The following CDKN1A variants were observed in gnomAD, a reference collection of about 807,000 sequenced individuals.
CDKN1A encodes the protein cyclin-dependent kinase inhibitor 1.
In CDKN1A, 14 loss-of-function variants were observed where a neutral mutation model predicts 14.8. That is an observed-to-expected ratio of 0.94 (90% CI 0.62 to 1.48). The LOEUF is 1.48. CDKN1A is among the 40% of genes most tolerant of loss of function. The pLI, the probability that CDKN1A is intolerant of heterozygous loss-of-function variation, is 0.00. For missense variants in CDKN1A, 203 were observed against 231.7 expected (o/e 0.88, Z 0.80); for synonymous variants, 92 against 93.5 (o/e 0.98, Z 0.09).
In CDKN1A at chr6:36,681,392, T is replaced by C. The variant is rs754555540; in HGVS notation, c.-6+2594T>C. Among the ~76,000 whole-genome samples the C allele has an allele frequency of 9.6e-4, 102 of 106,780 alleles. 1 individual carries two copies. The highest frequency in any genetic ancestry group is 2.6e-3 in the South Asian group (8 of 3,110). 70.1% of individuals were successfully genotyped at this position (106,780 alleles called of 152,430 possible). On this transcript the variant is annotated intron_variant, in intron 1 of 2. Transcript: ENST00000244741. Reference sequence around the variant, plus strand: ...TTCTTTCTTTCTTTCTTTCTTTCTTTCTTTCTTTCTTTCTTCCTTTCTCTT... The same window carrying C: ...TTCTTTCTTTCTTTCTTTCTTTCTTCCTTTCTTTCTTTCTTCCTTTCTCTT...
chr6:36,681,449 C>T (rs1451976352), intron 1 of CDKN1A, among the ~76,000 whole-genome samples: 2 of 140,056 alleles, frequency 1.4e-5, no homozygotes, highest in East Asian at 4.2e-4. Context: ...CTCTTTCTTT[C>T]TTTTCTTTCG....
At chr6:36,681,902 A>G (rs985081279) in intron 1 of CDKN1A, among the ~76,000 whole-genome samples, 1 of 151,938 alleles carries the variant, frequency 6.6e-6, no homozygotes, top group Non-Finnish European at 1.5e-5. Flanking sequence ...CCACCCAGCT[A>G]ATTTTTATTT....
chr6:36,682,033 C>T (rs373118407), intron 1 of CDKN1A, among the ~76,000 whole-genome samples: 1 of 152,212 alleles, frequency 6.6e-6, no homozygotes, highest in East Asian at 1.9e-4. Flanking sequence ...GCATAAGCCA[C>T]TGCCCCTGGC....
rs1562037863 is a variant in CDKN1A, at chr6:36,681,265, T to TTTCTTTCC, written c.-6+2474_-6+2475insCTTCTTTC. Among the ~76,000 whole-genome samples the TTTCTTTCC allele has an allele frequency of 6.0e-3, 384 of 64,156 alleles. 7 individuals are homozygous for TTTCTTTCC. Among genetic ancestry groups the TTTCTTTCC allele is most frequent in the South Asian group, 8.8e-3 (15 of 1,714 alleles). The allele number at this position is 64,156 out of a possible 152,430, so 42.1% of individuals were successfully genotyped here. On this transcript the variant is annotated intron_variant, in intron 1 of 2. Coordinates refer to ENST00000244741, the MANE Select transcript of CDKN1A (RefSeq NM_000389.5). ...ATTTTGAAAAAACTCCCTAGGTGCTTTTCTTTCTTTCTTTTTTTCTTTCTT... is the reference window on the plus strand; with the variant it reads ...ATTTTGAAAAAACTCCCTAGGTGCTTTTCTTTCCTTCTTTCTTTCTTTTTTTCTTTCTT...
rs114149607 is a variant in CDKN1A at position 36,684,340 on chromosome 6, C to T, written c.239C>T (p.Thr80Met). 4.1e-4 allele frequency: 669 copies of T among 1,613,490 alleles called. 1 individual carries two copies. Among genetic ancestry groups the T allele is most frequent in the African/African-American group, 2.6e-3 (193 of 75,026 alleles). The change falls in exon 2 of 3, where the codon ACG (threonine) becomes ATG (methionine). Residue 80 changes from threonine (T) to methionine (M), a missense_variant. Thr to Met is a moderately conservative substitution (Grantham distance 81, BLOSUM62 -1). Coordinates refer to ENST00000244741, the MANE Select transcript of CDKN1A (RefSeq NM_000389.5). The surrounding 1 kb of genome is among the most constrained non-coding windows in gnomAD (Gnocchi z 6.0). ...GGCCTGCCCAAGCTCTACCTTCCCA[C>T]GGGGCCCCGGCGAGGCCGGGATGAG... ...GLGLPKLYLP[T>M]GPRRGRDELG...
rs1308733953 is a variant in CDKN1A, at chr6:36,681,280, T to TTTCTTTCTTTCTTTCTTTCTTTCTTTC, written c.-6+2484_-6+2485insCTTTCTTTCTTTCTTTCTTTCTTTCTT. On this transcript the variant is annotated intron_variant, in intron 1 of 2. Transcript: ENST00000244741. ...CCTAGGTGCTTTTCTTTCTTTCTTT[T>TTTCTTTCTTTCTTTCTTTCTTTCTTTC]TTTCTTTCTTTCTTTCTTTCTTTCT... Among the ~76,000 whole-genome samples the TTTCTTTCTTTCTTTCTTTCTTTCTTTC allele has an allele frequency of 2.7e-4, 31 of 112,884 alleles. 1 individual carries two copies. Among genetic ancestry groups the TTTCTTTCTTTCTTTCTTTCTTTCTTTC allele is most frequent in the South Asian group, 9.0e-4 (3 of 3,348 alleles). The allele number at this position is 112,884 out of a possible 152,430, so 74.1% of individuals were successfully genotyped here.
chr6:36,684,652 G>A lies in CDKN1A; in HGVS notation c.445+106G>A. The stretch of plus-strand genomic sequence containing the variant: ...CTGGTCCAGCATGCTCCAGGTAGAA[G>A]GAAACAGGCCCAGAGAGGGGAAGCA... On this transcript the variant is annotated intron_variant, in intron 2 of 2. Transcript: ENST00000244741. The surrounding 1 kb of genome is among the most constrained non-coding windows in gnomAD (Gnocchi z 6.0). The A allele has an allele frequency of 8.6e-7, 1 of 1,169,042 alleles. No homozygotes were observed. The highest frequency in any genetic ancestry group is 1.5e-5 in the African/African-American group (1 of 66,110). The allele number at this position is 1,169,042 out of a possible 1,614,324, so 72.4% of individuals were successfully genotyped here. A position where few individuals can be genotyped will look rare whatever the true frequency, so the allele number is the denominator to read the frequency against.
chr6:36,685,711 C>G (rs1345556059), intron 2 of CDKN1A, 40 bp from the exon 3 acceptor site: 3 of 1,610,726 alleles, frequency 1.9e-6, no homozygotes, highest in African/African-American at 2.7e-5. Flanking sequence ...GCCGCGTCCT[C>G]TTCTTCTTGG....
chr6:36,681,823 T>A (rs1762027239), intron 1 of CDKN1A, among the ~76,000 whole-genome samples: 2 of 152,098 alleles, frequency 1.3e-5, no homozygotes, highest in Non-Finnish European at 2.9e-5. Flanking sequence ...CTCAATCTCC[T>A]GACCTCGTGC....
intron 1 of CDKN1A, among the ~76,000 whole-genome samples, chr6:36,680,305 G>T (rs1234912207): frequency 7.1e-5 from 5 of 70,454 alleles, no homozygotes; most frequent in African/African-American, 1.1e-4. Flanking sequence ...TGTCTGCGCG[G>T]GCGTGTGTGT....
chr6:36,684,671 G>A lies in CDKN1A; in HGVS notation c.445+125G>A. Reference sequence around the variant, plus strand: ...GTAGAAGGAAACAGGCCCAGAGAGGGGAAGCAACCTCCCTGAGGTCACACA... The same window carrying A: ...GTAGAAGGAAACAGGCCCAGAGAGGAGAAGCAACCTCCCTGAGGTCACACA... On this transcript the variant is annotated intron_variant, in intron 2 of 2. Transcript: ENST00000244741. The surrounding 1 kb of genome is among the most constrained non-coding windows in gnomAD (Gnocchi z 6.0). The A allele has an allele frequency of 1.1e-6, 1 of 897,308 alleles. No homozygotes were observed. Among genetic ancestry groups the A allele is most frequent in the Non-Finnish European group, 1.8e-6 (1 of 561,550 alleles). 55.6% of individuals were successfully genotyped at this position (897,308 alleles called of 1,614,324 possible). A position where few individuals can be genotyped will look rare whatever the true frequency, so the allele number is the denominator to read the frequency against.
chr6:36,679,033 CG>C (rs3176322), intron 1 of CDKN1A: 134,826 of 944,910 alleles, frequency 0.14, 10,834 homozygotes, highest in African/African-American at 0.3. Flanking sequence ...CCGGAGACCC[CG>C]GGGCGGAGAG....
intron 1 of CDKN1A, among the ~76,000 whole-genome samples, chr6:36,683,839 C>T (rs1349125574): frequency 6.6e-6 from 1 of 152,228 alleles, no homozygotes; most frequent in Admixed American, 6.5e-5. Flanking sequence ...CTTGCTCTTG[C>T]AATAGACTTG....
At chr6:36,683,576 G>A (rs1037983347) in intron 1 of CDKN1A, among the ~76,000 whole-genome samples, 9 of 152,180 alleles carry the variant, frequency 5.9e-5, no homozygotes, top group Admixed American at 2.6e-4. Context: ...CCAAAGTCCC[G>A]GGTACTTTTA....
At position 36,681,585 on chromosome 6, in the gene CDKN1A, ATTTTTT is replaced by A. The variant is rs908259380; in HGVS notation, c.-5-2492_-5-2487del. Among the ~76,000 whole-genome samples the A allele has an allele frequency of 8.9e-5, 6 of 67,450 alleles. No homozygotes were observed. In the Admixed American group the frequency reaches 1.2e-3, roughly 13 times the overall value. The allele number at this position is 67,450 out of a possible 152,430, so 44.2% of individuals were successfully genotyped here. A position where few individuals can be genotyped will look rare whatever the true frequency, so the allele number is the denominator to read the frequency against. Reference sequence around the variant, plus strand: ...GTGATCCCCCCGCCCCCATGCCCAGATTTTTTTTTTTTTTTTTTTTTTTTTGAGATG... The same window carrying A: ...GTGATCCCCCCGCCCCCATGCCCAGATTTTTTTTTTTTTTTTTTTGAGATG... On this transcript the variant is annotated intron_variant, in intron 1 of 2. Coordinates refer to ENST00000244741, the MANE Select transcript of CDKN1A (RefSeq NM_000389.5).
At chr6:36,685,646 G>A (rs1294706454) in intron 2 of CDKN1A, 105 bp from the exon 3 acceptor site, 1 of 1,146,204 alleles carries the variant, frequency 8.7e-7, no homozygotes, top group East Asian at 2.3e-5. Context: ...CGGCCCCATT[G>A]GCCCCAGGGA....
At chr6:36,681,268 C>CT (rs1417917972) in intron 1 of CDKN1A, among the ~76,000 whole-genome samples, 1 of 81,434 alleles carries the variant, frequency 1.2e-5, no homozygotes, top group African/African-American at 4.8e-5. Flanking sequence ...AGGTGCTTTT[C>CT]TTTCTTTCTT....
rs973141975 is a variant in CDKN1A at position 36,684,218 on chromosome 6, G to A, written c.117G>A (p.Ala39=). Residue 39 remains alanine, a synonymous_variant, in exon 2 of 3, where the codon GCG becomes GCA. Coordinates refer to ENST00000244741, the MANE Select transcript of CDKN1A (RefSeq NM_000389.5). This position sits in a 1 kb window ranked among gnomAD's most constrained non-coding sequence, Gnocchi z 6.0. ...GCCGCGACTGTGATGCGCTAATGGCGGGCTGCATCCAGGAGGCCCGTGAGC... is the reference window on the plus strand; with the variant it reads ...GCCGCGACTGTGATGCGCTAATGGCAGGCTGCATCCAGGAGGCCCGTGAGC... ...QLSRDCDALM[A]GCIQEARERW... is the part of the protein sequence containing the mutation. 2.5e-6 allele frequency: 4 copies of A among 1,611,832 alleles called. No individual in the cohort carries two copies. In the African/African-American group the frequency reaches 4.0e-5, roughly 16 times the overall value.
rs746664004 is a variant in CDKN1A, at chr6:36,684,167, C to T, written c.66C>T (p.Phe22=). 1.6e-5 allele frequency: 26 copies of T among 1,612,354 alleles called. 1 individual carries two copies. Among genetic ancestry groups the T allele is most frequent in the Admixed American group, 1.2e-4 (7 of 60,000 alleles). ...GCAGCAAGGCCTGCCGCCGCCTCTT[C>T]GGCCCAGTGGACAGCGAGCAGCTGA... ...PCGSKACRRL[F]GPVDSEQLSR... is the part of the protein sequence containing the mutation. Residue 22 remains phenylalanine, a synonymous_variant, in exon 2 of 3, where the codon TTC becomes TTT. Coordinates refer to ENST00000244741, the MANE Select transcript of CDKN1A (RefSeq NM_000389.5). The surrounding 1 kb of genome is among the most constrained non-coding windows in gnomAD (Gnocchi z 6.0).
Sources: gnomAD v4.1 joint callset for allele counts (sites outside exome capture counted in the v4.1 genomes callset) on GRCh38, gnomAD v4.1.1 for gene constraint, Gnocchi (gnomAD v3.1) non-coding constraint, MANE v1.5 for transcripts, NCBI Gene and HGNC (gene_info 2026-07-23, HGNC 2026-07-21) for gene names.